The following MLC1 variants were observed in gnomAD, a reference collection of about 807,000 sequenced individuals.
MLC1 encodes membrane protein MLC1.
A neutral mutation model predicts 44.7 loss-of-function variants in MLC1; 32 were observed. The observed-to-expected ratio is 0.72, with a 90% confidence interval of 0.54 to 0.96. The LOEUF is 0.96. Ranked by LOEUF, MLC1 falls within the 40% of genes least tolerant of loss-of-function variation. The pLI is 0.00. For missense variants in MLC1, 459 were observed against 492.2 expected (o/e 0.93, Z 0.64); for synonymous variants, 190 against 213.0 (o/e 0.89, Z 0.94).
intron 2 of MLC1, 128 bp downstream of exon 2, chr22:50,084,598 T>G (rs1227750420): frequency 2.5e-5 from 26 of 1,032,216 alleles, no homozygotes; most frequent in Admixed American, 6.9e-5. Context: ...ATCCAAGAGT[T>G]CTGCAGCAGC....
intron 8 of MLC1, chr22:50,072,852 A>C (rs1451672356): frequency 6.6e-6 from 1 of 152,408 alleles, no homozygotes; most frequent in Non-Finnish European, 1.5e-5. Flanking sequence ...GTGTGGCTCT[A>C]TCCCAGCTCG....
chr22:50,074,295 C>CCGAGGA lies in MLC1; in HGVS notation c.629_634dup (p.Val210_Leu211dup). On this transcript the variant is annotated inframe_insertion, in exon 8 of 12. Transcript: ENST00000311597. ...ATCCACGTTCAGGGCAATGATCCCC[C>CCGAGGA]CGAGGACGGCAGAGATGCCTGCGAT... The CCGAGGA allele has an allele frequency of 6.2e-7, 1 of 1,614,150 alleles. No individual in the cohort carries two copies. Among genetic ancestry groups the CCGAGGA allele is most frequent in the Non-Finnish European group, 8.5e-7 (1 of 1,180,036 alleles).
At position 50,067,729 on chromosome 22, in the gene MLC1, CCATCAGACAGTGACTCCATCCAT is replaced by C. The variant is rs1204068835; in HGVS notation, c.894+681_894+703del. On this transcript the variant is annotated intron_variant, in intron 10 of 11. Coordinates refer to ENST00000311597, the MANE Select transcript of MLC1 (RefSeq NM_015166.4). The stretch of plus-strand genomic sequence containing the variant: ...TCCATCAGACAGTGACTCCATCCAT[CCATCAGACAGTGACTCCATCCAT>C]CCATCAGACAGTGACTCCATCCCCC... Among the ~76,000 whole-genome samples the C allele has an allele frequency of 6.1e-3, 817 of 134,106 alleles. 128 individuals are homozygous for C. Among genetic ancestry groups the C allele is most frequent in the Non-Finnish European group, 9.0e-3 (552 of 61,368 alleles). 88.0% of individuals were successfully genotyped at this position (134,106 alleles called of 152,430 possible). A position where few individuals can be genotyped will look rare whatever the true frequency, so the allele number is the denominator to read the frequency against.
chr22:50,074,851 C>A (rs1400752411), intron 7 of MLC1, among the ~76,000 whole-genome samples: 2 of 152,208 alleles, frequency 1.3e-5, no homozygotes, highest in Admixed American at 6.5e-5. Context: ...CGTTAGCACC[C>A]CTTTTCTAGA....
In MLC1 at chr22:50,071,781, C is replaced by T. The variant is rs77926752; in HGVS notation, c.715-1198G>A. 2.2e-3 allele frequency among the ~76,000 whole-genome samples: 337 copies of T among 152,306 alleles called. 2 individuals are homozygous for T. Among genetic ancestry groups the T allele is most frequent in the African/African-American group, 7.5e-3 (313 of 41,554 alleles). ...TATTGTGAGGAGCCTGCCTTAGTTC[C>T]GCACAATGTAGGCAGAGGGAGGATG... On this transcript the variant is annotated intron_variant, in intron 8 of 11. Transcript: ENST00000311597.
At chr22:50,062,599 G>A (rs748544707) in intron 11 of MLC1, among the ~76,000 whole-genome samples, 8 of 152,276 alleles carry the variant, frequency 5.3e-5, no homozygotes, top group Middle Eastern at 3.2e-3. Flanking sequence ...AGCGTCCTCC[G>A]GGACTTAGCG....
chr22:50,073,429 G>T (rs1049157392), intron 8 of MLC1, among the ~76,000 whole-genome samples: 2 of 152,244 alleles, frequency 1.3e-5, no homozygotes, highest in African/African-American at 2.4e-5. Flanking sequence ...GATCTGGGGT[G>T]TGGAGGGGTT....
At chr22:50,076,731 G>T in intron 7 of MLC1, 110 bp downstream of exon 7, 1 of 1,154,160 alleles carries the variant, frequency 8.7e-7, no homozygotes, top group Non-Finnish European at 1.3e-6. Context: ...GCCATGCGGT[G>T]TAGACAGCCA....
intron 5 of MLC1, 140 bp from the exon 6 acceptor site, chr22:50,077,642 G>A: frequency 1.4e-6 from 1 of 713,352 alleles, no homozygotes; most frequent in Non-Finnish European, 2.5e-6. Flanking sequence ...AGGGCCAGCT[G>A]TGAGGCACTG....
rs1316732509 is a variant in MLC1 at position 50,062,018 on chromosome 22, G to A, written c.1060-361C>T. The stretch of plus-strand genomic sequence containing the variant: ...AAAACACTTAAGGCAGAGGTAACCA[G>A]ATGCCTCCAGGCAAAAGGGAGGACA... On this transcript the variant is annotated intron_variant, in intron 11 of 11. Coordinates refer to ENST00000311597, the MANE Select transcript of MLC1 (RefSeq NM_015166.4). Among the ~76,000 whole-genome samples, 3 of 152,184 alleles carry A rather than the reference G, an allele frequency of 2.0e-5. No homozygotes were observed. The East Asian group carries it at 5.8e-4, about 29-fold the overall frequency.
In MLC1 at chr22:50,072,582, G is replaced by A. The variant is rs184168170; in HGVS notation, c.714+1634C>T. Among the ~76,000 whole-genome samples the A allele has an allele frequency of 1.4e-4, 22 of 152,328 alleles. No homozygotes were observed. The East Asian group carries it at 2.5e-3, about 17-fold the overall frequency. The stretch of plus-strand genomic sequence containing the variant: ...CACCCCCGAGGCAGGAGGGGTCTGC[G>A]GGATGGGAGGGGCCTCTGTGATGAG... On this transcript the variant is annotated intron_variant, in intron 8 of 11. Coordinates refer to ENST00000311597, the MANE Select transcript of MLC1 (RefSeq NM_015166.4).
intron 7 of MLC1, chr22:50,074,545 A>G (rs2061933850): frequency 5.1e-6 from 3 of 588,568 alleles, no homozygotes; most frequent in Admixed American, 2.7e-5. Context: ...CTCCTGGAGT[A>G]AAATAGCCAA....
rs562639476 is a variant in MLC1, at chr22:50,060,403, T to C, written c.*1180A>G. 2.0e-5 allele frequency: 3 copies of C among 152,440 alleles called. No individual in the cohort carries two copies. In the South Asian group the frequency reaches 6.2e-4, roughly 32 times the overall value. 9.4% of individuals were successfully genotyped at this position (152,440 alleles called of 1,614,324 possible). On this transcript the variant is annotated 3_prime_UTR_variant, in exon 12 of 12. Coordinates refer to ENST00000311597, the MANE Select transcript of MLC1 (RefSeq NM_015166.4). ...TCCCTGCAGCCTGGCAGGTGGGCAG[T>C]GACCGCCTGGGCTGTACCCTAAGAC... is the stretch of plus-strand genomic sequence containing the variant.
intron 5 of MLC1, among the ~76,000 whole-genome samples, chr22:50,079,007 G>T (rs2062050160): frequency 6.6e-6 from 1 of 151,656 alleles, no homozygotes; most frequent in Non-Finnish European, 1.5e-5. Flanking sequence ...TCACAGGCCG[G>T]GCGCGGTGGC....
intron 9 of MLC1, among the ~76,000 whole-genome samples, 174 bp from the exon 10 acceptor site, chr22:50,068,729 T>TTC (rs1555964986): frequency 4.4e-5 from 5 of 114,316 alleles, no homozygotes; most frequent in African/African-American, 1.6e-4. Context: ...CTTTTTCTTT[T>TTC]TTTTTTTTTT....
chr22:50,071,454 T>C (rs1009427348), intron 8 of MLC1, among the ~76,000 whole-genome samples: 1 of 152,218 alleles, frequency 6.6e-6, no homozygotes, highest in Non-Finnish European at 1.5e-5. Flanking sequence ...GGTCTGCCAT[T>C]GAGCTCGTAG....
chr22:50,071,376 G>A (rs1342208792), intron 8 of MLC1, among the ~76,000 whole-genome samples: 3 of 152,202 alleles, frequency 2.0e-5, no homozygotes, highest in African/African-American at 7.2e-5. Flanking sequence ...ACAGGCATGA[G>A]CCACCGCACC....
In MLC1 at chr22:50,070,530, A is replaced by G. The variant is rs1195822945; in HGVS notation, c.768T>C (p.Cys256=). Residue 256 remains cysteine (C), a synonymous_variant, in exon 9 of 12, where the codon TGT becomes TGC. Transcript: ENST00000311597. The stretch of plus-strand genomic sequence containing the variant: ...CAGGGCTGAGGGGTTCACCCACCAG[A>G]CACTTGCTGGGACACTCTGCTGCCA... ...SHVAAECPSK[C]LVEVLIAISS... 2 of 1,560,754 alleles carry G rather than the reference A, an allele frequency of 1.3e-6. No individual in the cohort carries two copies. The highest frequency in any genetic ancestry group is 3.8e-5 in the Admixed American group (2 of 52,234).
chr22:50,070,725 C>A, intron 8 of MLC1, 142 bp from the exon 9 acceptor site: 1 of 874,310 alleles, frequency 1.1e-6, no homozygotes, highest in Non-Finnish European at 1.8e-6. Context: ...GGTGCAGTGC[C>A]CAAAGGCGCA....
Sources: gnomAD v4.1 joint callset for allele counts (sites outside exome capture counted in the v4.1 genomes callset) on GRCh38, gnomAD v4.1.1 for gene constraint, MANE v1.5 for transcripts, NCBI Gene and HGNC (gene_info 2026-07-23, HGNC 2026-07-21) for gene names.